ROBO2: variants seen among roughly 807,000 people sequenced by gnomAD.
ROBO2 encodes the protein roundabout homolog 2.
ROBO2 carries 53 observed loss-of-function variants against 160.8 expected under a neutral mutation model. That is an observed-to-expected ratio of 0.33 (90% CI 0.26 to 0.41). The LOEUF (loss-of-function observed/expected upper bound fraction) is 0.41. Among genes scored for constraint, ROBO2 ranks in the 10% least tolerant of loss-of-function variants. The probability of loss-of-function intolerance (pLI) is 1.00; values close to 1 mark genes in which losing one functional copy is unlikely to be tolerated. For synonymous variants in ROBO2, 664 were observed against 611.7 expected (o/e 1.09, Z -1.26); for missense variants, 1,577 against 1,722.4 (o/e 0.92, Z 1.49).
chr3:77,498,910 G>A (rs955711449), intron 5 of ROBO2, among the ~76,000 whole-genome samples: 1 of 152,098 alleles, frequency 6.6e-6, no homozygotes, highest in Admixed American at 6.5e-5. Flanking sequence ...TCTAAGAACA[G>A]GAGAAAAGCA....
intron 2 of ROBO2, among the ~76,000 whole-genome samples, chr3:77,238,843 T>C (rs2088495967): frequency 6.6e-6 from 1 of 152,190 alleles, no homozygotes; most frequent in Non-Finnish European, 1.5e-5. Flanking sequence ...CGTAGATGTT[T>C]ACACTGGAGC....
At position 76,707,017 on chromosome 3, in the gene ROBO2, CAT is replaced by C. The variant is rs141826647; in HGVS notation, c.110-390984_110-390983del. Among the ~76,000 whole-genome samples, 293 of 150,112 alleles carry C rather than the reference CAT, an allele frequency of 2.0e-3. 1 individual carries two copies. The highest frequency in any genetic ancestry group is 5.4e-3 in the African/African-American group (223 of 40,984). On this transcript the variant is annotated intron_variant, in intron 2 of 26. Coordinates refer to the ROBO2 transcript ENST00000487694. The stretch of plus-strand genomic sequence containing the variant: ...AAGTGTCTTTGTGTGTATATGTATA[CAT>C]ATATATATATATTCTAATGTGTGTA...
chr3:76,397,793 G>T (rs13060527), intron 2 of ROBO2, among the ~76,000 whole-genome samples: 31,314 of 151,204 alleles, frequency 0.21, 4,042 homozygotes, highest in African/African-American at 0.38. Context: ...TCACACCAGT[G>T]AGAATGGCAA....
rs886118769 is a variant in ROBO2, at chr3:77,124,085, A to T, written c.388+25745A>T. Among the ~76,000 whole-genome samples, 8 of 152,028 alleles carry T rather than the reference A, an allele frequency of 5.3e-5. No individual in the cohort carries two copies. The South Asian group carries it at 6.2e-4, about 12-fold the overall frequency. ...CTTTCTTGCAATAAAATCCTACTGG[A>T]AATCCCAGTGCCCAGTGTCTAGATG... is the stretch of plus-strand genomic sequence containing the variant. On this transcript the variant is annotated intron_variant, in intron 2 of 25. Transcript: ENST00000461745.
intron 2 of ROBO2, among the ~76,000 whole-genome samples, chr3:77,404,161 G>A (rs958639706): frequency 2.0e-5 from 3 of 151,972 alleles, no homozygotes; most frequent in Admixed American, 1.3e-4. Context: ...ATAAGCATAG[G>A]GCATGGGGAA....
intron 2 of ROBO2, among the ~76,000 whole-genome samples, chr3:76,470,152 T>C (rs955556070): frequency 2.8e-4 from 43 of 152,142 alleles, no homozygotes; most frequent in African/African-American, 1.0e-3. Context: ...CTGCAATAAC[T>C]AGTATGGCTG....
At chr3:76,682,641 C>T (rs1178719464) in intron 2 of ROBO2, among the ~76,000 whole-genome samples, 1 of 152,002 alleles carries the variant, frequency 6.6e-6, no homozygotes, top group Non-Finnish European at 1.5e-5. Flanking sequence ...CTCCTGACCT[C>T]GTGATCCACC....
At chr3:76,904,209 CT>C (rs1352596891) in intron 2 of ROBO2, among the ~76,000 whole-genome samples, 3 of 152,102 alleles carry the variant, frequency 2.0e-5, no homozygotes, top group African/African-American at 7.2e-5. Context: ...ACAAAAAGCT[CT>C]GTTTAGTGTA....
chr3:77,105,905 C>A (rs754046175), intron 2 of ROBO2, among the ~76,000 whole-genome samples: 11 of 152,132 alleles, frequency 7.2e-5, no homozygotes, highest in Non-Finnish European at 1.5e-4. Flanking sequence ...GACAAGGAAA[C>A]ATATTCATAG....
intron 2 of ROBO2, among the ~76,000 whole-genome samples, chr3:76,012,690 G>A (rs780842282): frequency 1.3e-5 from 2 of 151,904 alleles, no homozygotes; most frequent in African/African-American, 2.4e-5. Context: ...TTAAAAATCC[G>A]TGTGGTGTTA....
chr3:76,310,397 T>G lies in ROBO2; in HGVS notation c.109+372795T>G, dbSNP rs147022557. ...AAAAGTTTGCTTATGATATTCATGG[T>G]GGGTTCATTAGGGTGACACAGGAAC... On this transcript the variant is annotated intron_variant, in intron 2 of 26. Transcript: ENST00000487694. Among the ~76,000 whole-genome samples, 145 of 152,316 alleles carry G rather than the reference T, an allele frequency of 9.5e-4. 1 individual carries two copies. Among genetic ancestry groups the G allele is most frequent in the African/African-American group, 3.3e-3 (137 of 41,572 alleles).
At chr3:76,386,507 CT>C (rs1016658921) in intron 2 of ROBO2, among the ~76,000 whole-genome samples, 11 of 152,094 alleles carry the variant, frequency 7.2e-5, no homozygotes, top group Non-Finnish European at 1.2e-4. Context: ...CAAAAATACA[CT>C]TTTTTAAGGG....
chr3:76,517,740 G>C (rs1299149981), intron 2 of ROBO2, among the ~76,000 whole-genome samples: 1 of 152,042 alleles, frequency 6.6e-6, no homozygotes, highest in Non-Finnish European at 1.5e-5. Context: ...ACACATCTGG[G>C]ATATAAACCA....
At chr3:77,532,721 AT>A in intron 6 of ROBO2, among the ~76,000 whole-genome samples, 1 of 151,676 alleles carries the variant, frequency 6.6e-6, no homozygotes, top group African/African-American at 2.4e-5. Context: ...ATATATTCTA[AT>A]TTTTTTGTTT....
At chr3:77,506,693 C>A (rs568349239) in intron 5 of ROBO2, among the ~76,000 whole-genome samples, 4 of 151,844 alleles carry the variant, frequency 2.6e-5, no homozygotes, top group African/African-American at 7.3e-5. Context: ...CCCAAAATGG[C>A]GATAGTGTTG....
chr3:76,470,562 T>C (rs2078602003), intron 2 of ROBO2, among the ~76,000 whole-genome samples: 2 of 152,096 alleles, frequency 1.3e-5, no homozygotes, highest in South Asian at 4.1e-4. Context: ...CCAGAGCTTC[T>C]AGGTTCTAAG....
At chr3:75,933,953 T>C (rs769506259) in intron 1 of ROBO2, among the ~76,000 whole-genome samples, 9 of 152,136 alleles carry the variant, frequency 5.9e-5, no homozygotes, top group Non-Finnish European at 1.3e-4. Flanking sequence ...TACTCTAGGC[T>C]CCATCGGACA....
At position 76,421,846 on chromosome 3, in the gene ROBO2, A is replaced by T. The variant is rs550218985; in HGVS notation, c.109+484244A>T. ...AAATTTTTGGCATGGTTTTGCCACGAAAGTCACATTTAGTCCCCAATTTTT... is the reference window on the plus strand; with the variant it reads ...AAATTTTTGGCATGGTTTTGCCACGTAAGTCACATTTAGTCCCCAATTTTT... On this transcript the variant is annotated intron_variant, in intron 2 of 26. Coordinates refer to the ROBO2 transcript ENST00000487694. 3.0e-4 allele frequency among the ~76,000 whole-genome samples: 45 copies of T among 152,334 alleles called. No homozygotes were observed. In the South Asian group the frequency reaches 6.2e-3, roughly 21 times the overall value.
At chr3:77,598,337 C>T (rs1357111716) in intron 19 of ROBO2, among the ~76,000 whole-genome samples, 1 of 151,106 alleles carries the variant, frequency 6.6e-6, no homozygotes, top group African/African-American at 2.4e-5. Context: ...TCTGTCAGTA[C>T]CAACTATGAG....
Sources: allele counts gnomAD v4.1 joint callset (sites outside exome capture counted in the v4.1 genomes callset), GRCh38; gene constraint gnomAD v4.1.1; transcripts MANE v1.5; gene names NCBI Gene and HGNC (gene_info 2026-07-23, HGNC 2026-07-21).